The following TYW1 variants were observed in gnomAD, a reference collection of about 807,000 sequenced individuals.
The protein encoded by TYW1 is S-adenosyl-L-methionine-dependent tRNA 4-demethylwyosine synthase TYW1.
A neutral mutation model predicts 96.2 loss-of-function variants in TYW1; 46 were observed. The ratio of observed to expected loss-of-function variants is 0.48; its 90% confidence interval spans 0.38 to 0.61. The LOEUF (loss-of-function observed/expected upper bound fraction) is 0.61. Among genes scored for constraint, TYW1 ranks in the 20% least tolerant of loss-of-function variants. The pLI is 0.00. For synonymous variants in TYW1, 274 were observed against 323.0 expected (o/e 0.85, Z 1.63); for missense variants, 684 against 909.6 (o/e 0.75, Z 3.19).
intron 12 of TYW1, among the ~76,000 whole-genome samples, chr7:67,113,083 A>G (rs886499176): frequency 1.3e-5 from 2 of 151,972 alleles, no homozygotes; most frequent in African/African-American, 2.4e-5. Flanking sequence ...AAATGATCTC[A>G]TTCTCTTCCT....
chr7:67,091,172 C>T (rs559824351), intron 11 of TYW1, among the ~76,000 whole-genome samples: 17 of 151,960 alleles, frequency 1.1e-4, no homozygotes, highest in African/African-American at 3.9e-4. Context: ...CCCAAGTGTC[C>T]ATCAATGATA....
intron 12 of TYW1, among the ~76,000 whole-genome samples, chr7:67,116,324 CAAA>C (rs58820405): frequency 8.9e-6 from 1 of 112,598 alleles, no homozygotes. Flanking sequence ...GAATCCATCT[CAAA>C]AAAAAAAAAA....
intron 6 of TYW1, among the ~76,000 whole-genome samples, chr7:67,018,930 C>T (rs1357029446): frequency 2.1e-5 from 3 of 141,294 alleles, no homozygotes; most frequent in East Asian, 2.1e-4. Flanking sequence ...CACTCCAGCC[C>T]GGGCGACAGA....
At chr7:67,204,879 G>A (rs1038619417) in intron 15 of TYW1, among the ~76,000 whole-genome samples, 20 of 152,072 alleles carry the variant, frequency 1.3e-4, no homozygotes, top group South Asian at 4.1e-4. Context: ...GAGCCACCAC[G>A]CCCAGCCAAC....
Position 67,238,328 on chromosome 7 carries a change from G to A in TYW1, c.1998G>A (p.Trp666Ter). The change falls in exon 16 of 16, where the codon TGG (tryptophan) becomes TGA (stop). Residue 666 changes from tryptophan to a stop codon, truncating the protein, a stop_gained. Transcript: ENST00000359626. LOFTEE classifies it high-confidence loss of function. ...TCCAGTTTAAAATTGGTGGTGAATGGTGGACATGGATCGATTATAACCGCT... is the reference window on the plus strand; with the variant it reads ...TCCAGTTTAAAATTGGTGGTGAATGATGGACATGGATCGATTATAACCGCT... ...AHRKFKIGGEWWTWIDYNRFQ... is the reference protein window; with the variant it reads ...AHRKFKIGGE 6.2e-7 allele frequency: 1 copy of A among 1,609,824 alleles called. No individual in the cohort carries two copies. The highest frequency in any genetic ancestry group is 8.5e-7 in the Non-Finnish European group (1 of 1,177,118).
intron 4 of TYW1, among the ~76,000 whole-genome samples, chr7:67,010,181 G>T (rs1793743599): frequency 6.6e-6 from 1 of 151,924 alleles, no homozygotes; most frequent in Admixed American, 6.6e-5. Flanking sequence ...TTTTTTGCTA[G>T]AGATGAGGTT....
At chr7:67,197,063 A>G (rs1030240285) in intron 15 of TYW1, among the ~76,000 whole-genome samples, 4 of 152,180 alleles carry the variant, frequency 2.6e-5, no homozygotes, top group Non-Finnish European at 5.9e-5. Flanking sequence ...GTGGAGTCAG[A>G]TTGATTAGAG....
At chr7:67,168,732 G>T (rs1799428595) in intron 13 of TYW1, among the ~76,000 whole-genome samples, 1 of 150,960 alleles carries the variant, frequency 6.6e-6, no homozygotes, top group Non-Finnish European at 1.5e-5. Context: ...TTTCTTTTAA[G>T]ATGGAGTCTG....
intron 10 of TYW1, among the ~76,000 whole-genome samples, chr7:67,078,814 T>C (rs768097244): frequency 6.6e-6 from 1 of 152,158 alleles, no homozygotes; most frequent in Non-Finnish European, 1.5e-5. Flanking sequence ...TGCCTCAGCC[T>C]CCTGAGTAGC....
intron 12 of TYW1, among the ~76,000 whole-genome samples, chr7:67,101,493 C>T (rs534789001): frequency 2.0e-5 from 3 of 152,198 alleles, no homozygotes; most frequent in South Asian, 2.1e-4. Flanking sequence ...CACATACATT[C>T]GCACACGCAG....
intron 15 of TYW1, among the ~76,000 whole-genome samples, chr7:67,222,606 A>G (rs1159651642): frequency 6.6e-6 from 1 of 151,802 alleles, no homozygotes; most frequent in Admixed American, 6.6e-5. Context: ...TGCTTTCAAG[A>G]TTCTCTGTCT....
chr7:67,196,298 T>G (rs1316489622), intron 15 of TYW1, among the ~76,000 whole-genome samples: 2 of 152,228 alleles, frequency 1.3e-5, no homozygotes, highest in Admixed American at 1.3e-4. Flanking sequence ...TGCTGAAGTT[T>G]TCAAGCTTGG....
intron 15 of TYW1, among the ~76,000 whole-genome samples, chr7:67,215,770 T>C (rs539400207): frequency 1.6e-4 from 25 of 152,212 alleles, no homozygotes; most frequent in East Asian, 1.5e-3. Context: ...CCTGAAGAAC[T>C]TGGAGTCCGA....
At chr7:67,017,815 A>C (rs764238603) in intron 5 of TYW1, 38 bp from the exon 6 acceptor site, 1 of 1,577,666 alleles carries the variant, frequency 6.3e-7, no homozygotes, top group Non-Finnish European at 8.6e-7. Flanking sequence ...CCTGATTTAG[A>C]GAACCGTGCT....
Position 67,117,460 on chromosome 7 carries a change from C to A in TYW1, c.1563-23C>A, listed in dbSNP as rs375228672. 2.5e-5 allele frequency: 40 copies of A among 1,587,160 alleles called. No homozygotes were observed. The African/African-American group carries it at 3.3e-4, about 13-fold the overall frequency. On this transcript the variant is annotated intron_variant, in intron 12 of 15. Coordinates refer to ENST00000359626, the MANE Select transcript of TYW1 (RefSeq NM_018264.4). ...GATAGAGGAATAATTTTTCTTTCTT[C>A]TTTTAAAAAAAATATTACTAAGGAA...
intron 15 of TYW1, 95 bp downstream of exon 15, chr7:67,195,432 A>G: frequency 6.4e-7 from 1 of 1,569,502 alleles, no homozygotes; most frequent in Admixed American, 1.8e-5. Flanking sequence ...TGTTATAGGG[A>G]TTATCTGCTT....
intron 13 of TYW1, among the ~76,000 whole-genome samples, chr7:67,164,217 T>C (rs1459712726): frequency 1.3e-5 from 2 of 152,150 alleles, no homozygotes; most frequent in African/African-American, 4.8e-5. Flanking sequence ...AAAAATTCAT[T>C]TAAATTTTTT....
At chr7:67,018,273 T>C (rs1794097848) in intron 6 of TYW1, 130 bp downstream of exon 6, 1 of 1,237,038 alleles carries the variant, frequency 8.1e-7, no homozygotes, top group African/African-American at 1.5e-5. Context: ...GTGCAGTGGC[T>C]CGCACTTGTA....
intron 7 of TYW1, among the ~76,000 whole-genome samples, chr7:67,032,218 AT>A (rs902120858): frequency 5.3e-5 from 8 of 151,840 alleles, no homozygotes; most frequent in African/African-American, 1.9e-4. Flanking sequence ...TTTTTATTTT[AT>A]TTTTTTTGGA....
Sources: gnomAD v4.1 joint callset for allele counts (sites outside exome capture counted in the v4.1 genomes callset) on GRCh38, gnomAD v4.1.1 for gene constraint, MANE v1.5 for transcripts, NCBI Gene and HGNC (gene_info 2026-07-23, HGNC 2026-07-21) for gene names.